IDE: variants seen among roughly 807,000 people sequenced by gnomAD.
The protein encoded by IDE is insulin degrading enzyme, also known as insulin-degrading enzyme.
IDE carries 58 observed loss-of-function variants against 133.2 expected under a neutral mutation model. The ratio of observed to expected loss-of-function variants is 0.44; its 90% confidence interval spans 0.35 to 0.54. The LOEUF is 0.54. Ranked by LOEUF, IDE falls within the 20% of genes least tolerant of loss-of-function variation. The pLI is 0.00. For missense variants in IDE, 981 were observed against 1,234.0 expected (o/e 0.79, Z 3.07); for synonymous variants, 396 against 421.3 (o/e 0.94, Z 0.73).
chr10:92,487,713 A>C (rs1433887486), intron 12 of IDE, among the ~76,000 whole-genome samples: 5 of 152,256 alleles, frequency 3.3e-5, no homozygotes, highest in African/African-American at 9.6e-5. Context: ...CATTTATATA[A>C]GAGCCATACT....
intron 4 of IDE, among the ~76,000 whole-genome samples, chr10:92,519,307 T>C (rs1849092219): frequency 6.6e-6 from 1 of 152,190 alleles, no homozygotes; most frequent in African/African-American, 2.4e-5. Context: ...TAAATACCAA[T>C]TCAGTCTCTA....
chr10:92,452,759 G>T lies in IDE; in HGVS notation c.*1685C>A, dbSNP rs1157274544. The T allele has an allele frequency of 1.3e-5, 2 of 152,092 alleles. No individual in the cohort carries two copies. Among genetic ancestry groups the T allele is most frequent in the Non-Finnish European group, 2.9e-5 (2 of 68,006 alleles). 9.4% of individuals were successfully genotyped at this position (152,092 alleles called of 1,614,324 possible). A position where few individuals can be genotyped will look rare whatever the true frequency, so the allele number is the denominator to read the frequency against. ...ATCGGAACACTCAGGCCTAATTTCA[G>T]ATCTGTCTTGTATATACTTGCAGTT... On this transcript the variant is annotated 3_prime_UTR_variant, in exon 25 of 25. Transcript: ENST00000265986.
chr10:92,536,234 T>G (rs1278947574), intron 2 of IDE, among the ~76,000 whole-genome samples: 1 of 149,088 alleles, frequency 6.7e-6, no homozygotes, highest in East Asian at 2.0e-4. Context: ...AATACCCAAA[T>G]TAACTGGGCA....
At chr10:92,486,429 A>T (rs1025890830) in intron 13 of IDE, among the ~76,000 whole-genome samples, 37 of 152,292 alleles carry the variant, frequency 2.4e-4, no homozygotes, top group African/African-American at 7.9e-4. Context: ...AGTGTTCCTA[A>T]ACACTAATTG....
At chr10:92,541,980 A>C (rs1209049373) in intron 1 of IDE, among the ~76,000 whole-genome samples, 1 of 152,164 alleles carries the variant, frequency 6.6e-6, no homozygotes, top group Non-Finnish European at 1.5e-5. Flanking sequence ...AAAAAGTTAT[A>C]ATCAAACTCA....
Position 92,487,440 on chromosome 10 carries a change from T to A in IDE, c.1534-122A>T, listed in dbSNP as rs1847068197. ...AAATGTCACACAGCATTGTTTTCCA[T>A]CATATATAAAAGAGGTACTACCAAA... On this transcript the variant is annotated intron_variant, in intron 12 of 24. Coordinates refer to ENST00000265986, the MANE Select transcript of IDE (RefSeq NM_004969.4). 7.0e-6 allele frequency: 6 copies of A among 855,982 alleles called. No homozygotes were observed. In the Admixed American group the frequency reaches 1.8e-4, roughly 25 times the overall value. 53.0% of individuals were successfully genotyped at this position (855,982 alleles called of 1,614,324 possible). A position where few individuals can be genotyped will look rare whatever the true frequency, so the allele number is the denominator to read the frequency against.
intron 11 of IDE, among the ~76,000 whole-genome samples, chr10:92,502,389 T>C (rs190088155): frequency 6.6e-5 from 10 of 152,356 alleles, no homozygotes; most frequent in South Asian, 2.1e-4. Flanking sequence ...AACTCATTCC[T>C]AGTAATATTA....
At chr10:92,527,840 C>T (rs1448212426) in intron 4 of IDE, among the ~76,000 whole-genome samples, 2 of 152,118 alleles carry the variant, frequency 1.3e-5, no homozygotes, top group Admixed American at 6.5e-5. Flanking sequence ...CATGGTGAAA[C>T]CCCATCTCTA....
chr10:92,465,558 C>A, intron 20 of IDE, 118 bp downstream of exon 20: 2 of 835,404 alleles, frequency 2.4e-6, no homozygotes, highest in Non-Finnish European at 3.8e-6. Flanking sequence ...TTTCTCAAGT[C>A]TCTCTAAGTA....
At chr10:92,460,678 T>C (rs1327456693) in intron 22 of IDE, among the ~76,000 whole-genome samples, 1 of 152,176 alleles carries the variant, frequency 6.6e-6, no homozygotes, top group Non-Finnish European at 1.5e-5. Flanking sequence ...TTCAGCAAAC[T>C]TGGTTTAGAG....
chr10:92,511,563 C>G (rs879493331), intron 5 of IDE, among the ~76,000 whole-genome samples: 2 of 152,176 alleles, frequency 1.3e-5, no homozygotes, highest in Admixed American at 1.3e-4. Flanking sequence ...CCATTTGGAA[C>G]TTTTCCATGA....
rs185838963 is a variant in IDE at position 92,452,456 on chromosome 10, G to A, written c.*1988C>T. 6.6e-6 allele frequency: 1 copy of A among 152,338 alleles called. No homozygotes were observed. Among genetic ancestry groups the A allele is most frequent in the African/African-American group, 2.4e-5 (1 of 41,578 alleles). The allele number at this position is 152,338 out of a possible 1,614,324, so 9.4% of individuals were successfully genotyped here. A position where few individuals can be genotyped will look rare whatever the true frequency, so the allele number is the denominator to read the frequency against. On this transcript the variant is annotated 3_prime_UTR_variant, in exon 25 of 25. Coordinates refer to ENST00000265986, the MANE Select transcript of IDE (RefSeq NM_004969.4). ...GGTAGTCTGTTATTGCTCATGGACT[G>A]CAGCTTGGACCCATCTAAATGAATC...
At chr10:92,547,145 C>T (rs1034848693) in intron 1 of IDE, among the ~76,000 whole-genome samples, 2 of 152,114 alleles carry the variant, frequency 1.3e-5, no homozygotes, top group African/African-American at 4.8e-5. Flanking sequence ...TGCAGTGGCA[C>T]TATCATGGCT....
chr10:92,538,315 C>T lies in IDE; in HGVS notation c.99-765G>A, dbSNP rs895359506. Among the ~76,000 whole-genome samples, 21 of 151,944 alleles carry T rather than the reference C, an allele frequency of 1.4e-4. 1 individual carries two copies. The highest frequency in any genetic ancestry group is 4.6e-4 in the Admixed American group (7 of 15,272). On this transcript the variant is annotated intron_variant, in intron 1 of 24. Transcript: ENST00000265986. ...TGAAAGATAGGGTAGATCTGGAACT[C>T]GCAGGTCTGACATACACATGCTCAG...
At chr10:92,485,125 C>CTTTTTTTTTTTTTTTTTTTTTTTTTTT (rs34615998) in intron 13 of IDE, among the ~76,000 whole-genome samples, 1 of 100,860 alleles carries the variant, frequency 9.9e-6, no homozygotes, top group Non-Finnish European at 1.9e-5. Context: ...TTCTTTCTTT[C>CTTTTTTTTTTTTTTTTTTTTTTTTTTT]TTTTTTTTTT....
At chr10:92,479,564 A>AG in intron 14 of IDE, 143 bp from the exon 15 acceptor site, 2 of 639,464 alleles carry the variant, frequency 3.1e-6, no homozygotes, top group Non-Finnish European at 5.4e-6. Context: ...ATTTCTTATG[A>AG]GGAAAAAAAA....
At position 92,523,730 on chromosome 10, in the gene IDE, C is replaced by A. The variant is rs549047620; in HGVS notation, c.661+8018G>T. On this transcript the variant is annotated intron_variant, in intron 4 of 24. Coordinates refer to ENST00000265986, the MANE Select transcript of IDE (RefSeq NM_004969.4). ...AAAAAAAAAAAAAAAAAGTCACGCA[C>A]ACCTAAAATACAGCTCCACCCTCTA... Among the ~76,000 whole-genome samples the A allele has an allele frequency of 6.5e-4, 98 of 150,014 alleles. 2 individuals are homozygous for A. Among genetic ancestry groups the A allele is most frequent in the Admixed American group, 5.6e-3 (84 of 14,960 alleles).
At chr10:92,504,506 G>A (rs1589436504) in intron 11 of IDE, among the ~76,000 whole-genome samples, 1 of 152,034 alleles carries the variant, frequency 6.6e-6, no homozygotes, top group African/African-American at 2.4e-5. Flanking sequence ...TTTTATTTAT[G>A]ATAATAAAAT....
At chr10:92,467,365 C>A (rs1845749816) in intron 19 of IDE, among the ~76,000 whole-genome samples, 1 of 152,126 alleles carries the variant, frequency 6.6e-6, no homozygotes, top group Non-Finnish European at 1.5e-5. Context: ...GAGCCACCAC[C>A]CAGGCCTGAA....
Sources: allele counts gnomAD v4.1 joint callset (sites outside exome capture counted in the v4.1 genomes callset), GRCh38; gene constraint gnomAD v4.1.1; transcripts MANE v1.5; gene names NCBI Gene and HGNC (gene_info 2026-07-23, HGNC 2026-07-21).